Variants in TENM3 observed in about 807,000 individuals in gnomAD.
The protein encoded by TENM3 is teneurin transmembrane protein 3.
Under a neutral mutation model 255.1 loss-of-function variants are expected in TENM3, and 63 were observed. That is an observed-to-expected ratio of 0.25 (90% CI 0.20 to 0.30). The LOEUF is 0.30. Among genes scored for constraint, TENM3 ranks in the 10% least tolerant of loss-of-function variants. TENM3 has a pLI of 1.00. For synonymous variants in TENM3, 1,306 were observed against 1,322.3 expected (o/e 0.99, Z 0.27); for missense variants, 2,929 against 3,461.1 (o/e 0.85, Z 3.86).
At chr4:181,760,995 C>CACACAT in the TENM3 span, among the ~76,000 whole-genome samples, 78 of 129,560 alleles carry the variant, frequency 6.0e-4, 1 homozygote, top group Non-Finnish European at 3.1e-4. Context: ...CACACACACA[C>CACACAT]ACACACACAC....
At chr4:182,261,319 C>A (rs1367993976) in intron 1 of TENM3, among the ~76,000 whole-genome samples, 2 of 152,140 alleles carry the variant, frequency 1.3e-5, no homozygotes, top group Non-Finnish European at 2.9e-5. Flanking sequence ...TAAAACAAAA[C>A]CTTCCAGAGC....
chr4:182,159,453 TGTGTG>T (rs1579540791), intron 1 of TENM3, among the ~76,000 whole-genome samples: 1 of 88,820 alleles, frequency 1.1e-5, no homozygotes, highest in East Asian at 4.4e-4. Flanking sequence ...TATGAGTGTG[TGTGTG>T]TGTGTGTGTG....
the TENM3 span, among the ~76,000 whole-genome samples, chr4:182,114,944 G>T: frequency 6.6e-6 from 1 of 151,986 alleles, no homozygotes; most frequent in Non-Finnish European, 1.5e-5. Context: ...CACTTTGCAA[G>T]ACTGAGGCAG....
chr4:181,629,051 A>G, the TENM3 span, among the ~76,000 whole-genome samples: 1 of 152,126 alleles, frequency 6.6e-6, no homozygotes, highest in Non-Finnish European at 1.5e-5. Context: ...GGTCCTTCAC[A>G]TCCCTTGTAA....
At chr4:181,997,825 A>G in the TENM3 span, among the ~76,000 whole-genome samples, 2 of 152,224 alleles carry the variant, frequency 1.3e-5, no homozygotes, top group African/African-American at 4.8e-5. Flanking sequence ...GGTCTATGTT[A>G]CTTTCAAGTG....
At chr4:181,916,635 T>G in the TENM3 span, among the ~76,000 whole-genome samples, 18 of 152,046 alleles carry the variant, frequency 1.2e-4, no homozygotes, top group Non-Finnish European at 1.5e-5. Flanking sequence ...TCTCAGCACT[T>G]TGGGAGGCTG....
At chr4:181,896,875 C>T in the TENM3 span, among the ~76,000 whole-genome samples, 2 of 152,186 alleles carry the variant, frequency 1.3e-5, no homozygotes, top group Non-Finnish European at 1.5e-5. Context: ...AAAGAATCTG[C>T]AGCATCACAG....
the TENM3 span, among the ~76,000 whole-genome samples, chr4:181,567,592 A>G: frequency 6.6e-6 from 1 of 152,250 alleles, no homozygotes; most frequent in African/African-American, 2.4e-5. Flanking sequence ...TTAGGGCTAA[A>G]TAAACATGTT....
chr4:181,978,449 C>T, the TENM3 span, among the ~76,000 whole-genome samples: 1 of 151,990 alleles, frequency 6.6e-6, no homozygotes, highest in Non-Finnish European at 1.5e-5. Flanking sequence ...GAGTTCGAGA[C>T]CAGCCTGACC....
the TENM3 span, among the ~76,000 whole-genome samples, chr4:181,764,379 C>A: frequency 6.6e-6 from 1 of 152,164 alleles, no homozygotes; most frequent in Non-Finnish European, 1.5e-5. Flanking sequence ...CTTTATGACA[C>A]AGAACACCCC....
At chr4:181,452,487 G>T in the TENM3 span, among the ~76,000 whole-genome samples, 8 of 152,100 alleles carry the variant, frequency 5.3e-5, no homozygotes, top group Non-Finnish European at 1.0e-4. Context: ...TCTGATGGTT[G>T]TGTAAGGAGC....
chr4:182,112,523 A>T, the TENM3 span, among the ~76,000 whole-genome samples: 2 of 152,192 alleles, frequency 1.3e-5, no homozygotes, highest in Non-Finnish European at 2.9e-5. Context: ...GTAATCAATG[A>T]CTATTGACAT....
At chr4:182,656,284 C>T (rs1753738558) in intron 6 of TENM3, among the ~76,000 whole-genome samples, 4 of 152,158 alleles carry the variant, frequency 2.6e-5, no homozygotes, top group Admixed American at 2.0e-4. Context: ...TGGGCTCTGA[C>T]CTTGTCCAAA....
the TENM3 span, among the ~76,000 whole-genome samples, chr4:181,906,892 T>C: frequency 1.3e-5 from 2 of 152,240 alleles, no homozygotes; most frequent in African/African-American, 4.8e-5. Flanking sequence ...TATTTTTTAT[T>C]TTTTGAGATG....
intron 5 of TENM3, among the ~76,000 whole-genome samples, chr4:182,631,288 A>G (rs1751343084): frequency 6.6e-6 from 1 of 152,202 alleles, no homozygotes; most frequent in Non-Finnish European, 1.5e-5. Flanking sequence ...TTAAGAAGAT[A>G]CAATCCCAGT....
the TENM3 span, among the ~76,000 whole-genome samples, chr4:181,518,778 C>T: frequency 6.6e-6 from 1 of 152,100 alleles, no homozygotes; most frequent in Admixed American, 6.5e-5. Flanking sequence ...TTCCTAGCCA[C>T]CTATAATCCA....
chr4:181,513,137 G>A, the TENM3 span, among the ~76,000 whole-genome samples: 5 of 151,934 alleles, frequency 3.3e-5, no homozygotes, highest in African/African-American at 4.8e-5. Flanking sequence ...GACTTTTTTT[G>A]TGGTGTTATT....
chr4:182,200,958 G>A (rs1055243205), intron 1 of TENM3, among the ~76,000 whole-genome samples: 1 of 151,460 alleles, frequency 6.6e-6, no homozygotes, highest in East Asian at 2.0e-4. Context: ...CCGAATAGCT[G>A]GGATAACAGG....
intron 3 of TENM3, among the ~76,000 whole-genome samples, chr4:182,582,610 A>G (rs1745600147): frequency 6.7e-6 from 1 of 149,148 alleles, no homozygotes; most frequent in South Asian, 2.1e-4. Context: ...AACCAACAAA[A>G]CAAAAAAAAA....
Sources: allele counts gnomAD v4.1 joint callset (sites outside exome capture counted in the v4.1 genomes callset), GRCh38; gene constraint gnomAD v4.1.1; transcripts MANE v1.5; gene names NCBI Gene and HGNC (gene_info 2026-07-23, HGNC 2026-07-21).